NCOA2: variants seen among roughly 807,000 people sequenced by gnomAD.
The protein encoded by NCOA2 is class E basic helix-loop-helix protein 75.
NCOA2 carries 21 observed loss-of-function variants against 145.1 expected under a neutral mutation model. The observed-to-expected ratio is 0.14, with a 90% CI of 0.10 to 0.21. NCOA2 has a LOEUF of 0.21. Ranked by LOEUF, NCOA2 falls within the 10% of genes least tolerant of loss-of-function variation. The pLI, the probability that NCOA2 is intolerant of heterozygous loss-of-function variation, is 1.00. For missense variants in NCOA2, 1,472 were observed against 1,837.6 expected, an observed-to-expected ratio of 0.80 and a Z score of 3.64; for synonymous variants, 619 against 637.5, an observed-to-expected ratio of 0.97 and a Z score of 0.44.
intron 4 of NCOA2, among the ~76,000 whole-genome samples, chr8:70,198,783 T>G (rs1247152058): frequency 3.9e-5 from 6 of 152,118 alleles, no homozygotes; most frequent in Admixed American, 1.3e-4. Context: ...CGCATGGTGG[T>G]TACACAGACT....
chr8:70,214,094 T>G lies in NCOA2; in HGVS notation c.87-19A>C, dbSNP rs986040899. On this transcript the variant is annotated intron_variant, in intron 3 of 22. Coordinates refer to ENST00000452400, the MANE Select transcript of NCOA2 (RefSeq NM_006540.4). ...TTTGGGGCTTAAAAGAAGAAACACA[T>G]TTTTATGATGTATTTGAAAAAGAGC... is the stretch of plus-strand genomic sequence containing the variant. 1.9e-6 allele frequency: 3 copies of G among 1,583,630 alleles called. No homozygotes were observed. The African/African-American group carries it at 4.1e-5, about 22-fold the overall frequency.
intron 1 of NCOA2, among the ~76,000 whole-genome samples, chr8:70,364,481 A>C (rs1810497773): frequency 6.6e-6 from 1 of 152,234 alleles, no homozygotes; most frequent in African/African-American, 2.4e-5. Flanking sequence ...ACAGCAAGAA[A>C]CAGCGTCGAG....
chr8:70,160,678 A>AGAGAGAGAGAGAGAGAGG (rs1421486002), intron 9 of NCOA2, among the ~76,000 whole-genome samples: 2 of 145,382 alleles, frequency 1.4e-5, no homozygotes, highest in African/African-American at 2.8e-5. Context: ...AGAGAGAGAG[A>AGAGAGAGAGAGAGAGAGG]GAGGGAGAGA....
chr8:70,242,989 C>T (rs1412610127), intron 2 of NCOA2, among the ~76,000 whole-genome samples: 4 of 152,174 alleles, frequency 2.6e-5, no homozygotes, highest in Non-Finnish European at 4.4e-5. Context: ...CTTGTTTACA[C>T]GCTACCTGGA....
intron 1 of NCOA2, among the ~76,000 whole-genome samples, chr8:70,394,601 T>C (rs940885586): frequency 1.3e-5 from 2 of 152,122 alleles, no homozygotes; most frequent in Non-Finnish European, 2.9e-5. Context: ...AAGTTGAAAA[T>C]ATATTGAGAA....
intron 2 of NCOA2, among the ~76,000 whole-genome samples, chr8:70,279,320 G>C (rs748834281): frequency 3.3e-5 from 5 of 152,072 alleles, no homozygotes; most frequent in Non-Finnish European, 7.4e-5. Context: ...TACACTCCAA[G>C]TGAGTGAAAT....
intron 2 of NCOA2, among the ~76,000 whole-genome samples, chr8:70,263,846 C>G (rs773954997): frequency 3.3e-5 from 5 of 152,092 alleles, no homozygotes; most frequent in African/African-American, 4.8e-5. Flanking sequence ...CAACAGTAAT[C>G]AGAAAACGCA....
At chr8:70,373,014 C>T (rs911944031) in intron 1 of NCOA2, among the ~76,000 whole-genome samples, 27 of 152,098 alleles carry the variant, frequency 1.8e-4, no homozygotes, top group Admixed American at 1.8e-3. Context: ...ATTTACTCTA[C>T]CCATGGACAT....
At chr8:70,452,291 TAGTC>T in the NCOA2 span, among the ~76,000 whole-genome samples, 4 of 152,178 alleles carry the variant, frequency 2.6e-5, no homozygotes, top group Non-Finnish European at 4.4e-5. Flanking sequence ...ATAATTGTAA[TAGTC>T]AGTTCTCCAA....
At chr8:70,324,353 T>C (rs1806367462) in intron 1 of NCOA2, among the ~76,000 whole-genome samples, 1 of 152,182 alleles carries the variant, frequency 6.6e-6, no homozygotes, top group African/African-American at 2.4e-5. Context: ...AGGTTTATTT[T>C]TGAGACAAGG....
At chr8:70,332,975 A>G (rs1374978311) in intron 1 of NCOA2, among the ~76,000 whole-genome samples, 1 of 152,218 alleles carries the variant, frequency 6.6e-6, no homozygotes, top group Non-Finnish European at 1.5e-5. Context: ...GGTAAATATG[A>G]TTACTTTCAT....
chr8:70,119,290 T>C (rs1448041369), intron 22 of NCOA2, among the ~76,000 whole-genome samples: 1 of 152,236 alleles, frequency 6.6e-6, no homozygotes, highest in Non-Finnish European at 1.5e-5. Flanking sequence ...AGCTCTCATA[T>C]GTAAGAACAT....
intron 2 of NCOA2, among the ~76,000 whole-genome samples, chr8:70,228,018 A>AG (rs1820810822): frequency 6.6e-6 from 1 of 151,796 alleles, no homozygotes; most frequent in Non-Finnish European, 1.5e-5. Flanking sequence ...AAAAAAAAAA[A>AG]AAAGCCAAAT....
intron 1 of NCOA2, among the ~76,000 whole-genome samples, chr8:70,319,458 C>T (rs1443691905): frequency 6.6e-6 from 1 of 151,950 alleles, no homozygotes; most frequent in Non-Finnish European, 1.5e-5. Flanking sequence ...GGGAGGATCA[C>T]CTGAGCCCAG....
chr8:70,263,626 A>G (rs2926699), intron 2 of NCOA2, among the ~76,000 whole-genome samples: 136,052 of 151,988 alleles, frequency 0.9, 61,333 homozygotes, highest in African/African-American at 0.95. Context: ...ATCACCGGGA[A>G]GCTGAGGCAG....
At chr8:70,329,753 C>T (rs1414694011) in intron 1 of NCOA2, among the ~76,000 whole-genome samples, 1 of 152,136 alleles carries the variant, frequency 6.6e-6, no homozygotes, top group African/African-American at 2.4e-5. Context: ...AGCACTAACG[C>T]TATATACTAC....
intron 4 of NCOA2, among the ~76,000 whole-genome samples, chr8:70,204,069 G>A (rs1179985255): frequency 1.3e-5 from 2 of 151,464 alleles, no homozygotes; most frequent in Non-Finnish European, 2.9e-5. Context: ...GTGCAGTGGT[G>A]CAATCTTGGC....
intron 16 of NCOA2, 98 bp downstream of exon 16, chr8:70,131,739 T>C (rs1043917537): frequency 7.8e-7 from 1 of 1,279,110 alleles, no homozygotes; most frequent in Non-Finnish European, 1.1e-6. Flanking sequence ...CAACAATATA[T>C]TCTAAAAAGC....
chr8:70,341,196 G>A (rs1186403493), intron 1 of NCOA2, among the ~76,000 whole-genome samples: 1 of 151,932 alleles, frequency 6.6e-6, no homozygotes, highest in Non-Finnish European at 1.5e-5. Context: ...TTCAAGACCT[G>A]ATATAGTGAG....
Sources: allele counts gnomAD v4.1 joint callset (sites outside exome capture counted in the v4.1 genomes callset), GRCh38; gene constraint gnomAD v4.1.1; transcripts MANE v1.5; gene names NCBI Gene and HGNC (gene_info 2026-07-23, HGNC 2026-07-21).